The following GRIA3 variants were observed in gnomAD, a reference collection of about 807,000 sequenced individuals.
GRIA3 encodes the protein glutamate ionotropic receptor AMPA type subunit 3, also known as glutamate receptor 3.
In GRIA3, 3 loss-of-function variants were observed where a neutral mutation model predicts 63.0. That is an observed-to-expected ratio of 0.05 (90% CI 0.02 to 0.12). The LOEUF (loss-of-function observed/expected upper bound fraction) is 0.12. Ranked by LOEUF, GRIA3 falls within the 10% of genes least tolerant of loss-of-function variation. The pLI is 1.00. For synonymous variants in GRIA3, 274 were observed against 257.9 expected, an observed-to-expected ratio of 1.06 and a Z score of -0.60; for missense variants, 347 against 700.9, an observed-to-expected ratio of 0.50 and a Z score of 5.70.
intron 5 of GRIA3, among the ~76,000 whole-genome samples, chrX:123,391,475 G>C (rs1355339208): frequency 9.0e-6 from 1 of 111,609 alleles, no homozygotes; most frequent in African/African-American, 3.3e-5. Context: ...GGTGGAGGCT[G>C]TGGTGAAGTT....
chrX:123,239,364 A>G (rs1017560441), intron 2 of GRIA3, among the ~76,000 whole-genome samples: 2 of 110,727 alleles, frequency 1.8e-5, no homozygotes, highest in East Asian at 2.8e-4. Context: ...ATACTGAAGT[A>G]GTCATGAGAA....
intron 3 of GRIA3, among the ~76,000 whole-genome samples, chrX:123,300,188 T>G (rs768995725): frequency 9.1e-6 from 1 of 109,866 alleles, no homozygotes; most frequent in African/African-American, 3.3e-5. Context: ...TGAAGTTTTC[T>G]TTTATTGTTG....
At chrX:123,321,703 A>G (rs2044868845) in intron 3 of GRIA3, among the ~76,000 whole-genome samples, 1 of 112,171 alleles carries the variant, frequency 8.9e-6, no homozygotes, top group Non-Finnish European at 1.9e-5. Context: ...ATCTGATGCT[A>G]TCCCTGTCAT....
At position 123,298,127 on chromosome X, in the gene GRIA3, T is replaced by C. The variant is rs750273141; in HGVS notation, c.509-27899T>C. Among the ~76,000 whole-genome samples the C allele has an allele frequency of 9.9e-5, 11 of 111,558 alleles. No individual in the cohort carries two copies. In the East Asian group the frequency reaches 3.1e-3, roughly 31 times the overall value. ...ATTATGACATTTTCTTTATCCAATC[T>C]CTCTTTGATGGGCATTTAGGCTGAT... On this transcript the variant is annotated intron_variant, in intron 3 of 15. Coordinates refer to ENST00000620443, the MANE Select transcript of GRIA3 (RefSeq NM_007325.5).
chrX:123,202,787 G>A (rs746313216), intron 2 of GRIA3: 2 of 1,160,422 alleles, frequency 1.7e-6, no homozygotes, highest in Non-Finnish European at 2.3e-6. Context: ...TCTGGGGTAA[G>A]TGCCCATAGT....
intron 7 of GRIA3, among the ~76,000 whole-genome samples, chrX:123,402,395 G>GTA (rs57132663): frequency 0.013 from 1,327 of 104,279 alleles, 18 homozygotes; most frequent in African/African-American, 0.036. Flanking sequence ...ATGTGTGTGT[G>GTA]TATATATATA....
At chrX:123,199,484 C>CTT (rs1407945357) in intron 2 of GRIA3, among the ~76,000 whole-genome samples, 1 of 110,295 alleles carries the variant, frequency 9.1e-6, no homozygotes, top group African/African-American at 3.3e-5. Flanking sequence ...AATCACTGAT[C>CTT]TTTTTTTCAG....
At chrX:123,208,263 G>T (rs1036948717) in intron 2 of GRIA3, among the ~76,000 whole-genome samples, 11 of 112,133 alleles carry the variant, frequency 9.8e-5, no homozygotes, top group African/African-American at 3.6e-4. Flanking sequence ...AGCAGGATAG[G>T]TTACACAGAA....
chrX:123,483,076 C>A, intron 15 of GRIA3, 30 bp downstream of exon 15: 1 of 1,113,870 alleles, frequency 9.0e-7, no homozygotes, highest in Non-Finnish European at 1.2e-6. Context: ...AACTAATCAG[C>A]TTTACTTTAC....
chrX:123,411,877 T>C (rs1487557904), intron 10 of GRIA3, among the ~76,000 whole-genome samples: 1 of 111,009 alleles, frequency 9.0e-6, no homozygotes, highest in African/African-American at 3.3e-5. Flanking sequence ...TGAAAATAAC[T>C]TGCCTACTGC....
In GRIA3 at chrX:123,184,880, G is replaced by A; in HGVS notation, c.109+236G>A. The stretch of plus-strand genomic sequence containing the variant: ...AGAGAGGGGTCTCCTGGGGCTAGTG[G>A]GGGTGAACTGCTAGGTTTTCCGAGC... On this transcript the variant is annotated intron_variant, in intron 1 of 15. Coordinates refer to ENST00000620443, the MANE Select transcript of GRIA3 (RefSeq NM_007325.5). The A allele has an allele frequency of 8.2e-6, 4 of 488,270 alleles. No individual in the cohort carries two copies. In the South Asian group the frequency reaches 1.0e-4, roughly 12 times the overall value. 40.2% of individuals were successfully genotyped at this position (488,270 alleles called of 1,213,427 possible).
At chrX:123,215,504 G>A (rs768113067) in intron 2 of GRIA3, among the ~76,000 whole-genome samples, 6 of 111,291 alleles carry the variant, frequency 5.4e-5, no homozygotes, top group Non-Finnish European at 1.1e-4. Context: ...CATCATTAGC[G>A]TGGAGAAGAC....
intron 2 of GRIA3, among the ~76,000 whole-genome samples, chrX:123,209,742 T>C (rs1017686414): frequency 9.0e-6 from 1 of 111,688 alleles, no homozygotes; most frequent in African/African-American, 3.3e-5. Flanking sequence ...TTGAAAAATA[T>C]TCCCAAGGTA....
chrX:123,354,447 G>A (rs1285774715), intron 4 of GRIA3, among the ~76,000 whole-genome samples: 2 of 111,499 alleles, frequency 1.8e-5, no homozygotes, highest in East Asian at 2.8e-4. Flanking sequence ...AAGCAACCTC[G>A]GTTAACCTGA....
intron 13 of GRIA3, among the ~76,000 whole-genome samples, chrX:123,477,906 G>A (rs2045894303): frequency 9.0e-6 from 1 of 111,483 alleles, no homozygotes; most frequent in South Asian, 3.8e-4. Context: ...ACCGGGTAAG[G>A]GCTTAGTCAG....
chrX:123,343,552 A>G (rs1259195947), intron 4 of GRIA3, among the ~76,000 whole-genome samples: 1 of 110,288 alleles, frequency 9.1e-6, no homozygotes. Flanking sequence ...TATAGATAAC[A>G]TATACAGAGA....
At chrX:123,374,129 T>A (rs2045268453) in intron 5 of GRIA3, among the ~76,000 whole-genome samples, 1 of 111,981 alleles carries the variant, frequency 8.9e-6, no homozygotes, top group South Asian at 3.8e-4. Flanking sequence ...TTCCCATTTC[T>A]TGATTTTGTC....
intron 12 of GRIA3, among the ~76,000 whole-genome samples, chrX:123,453,778 C>T (rs2045747642): frequency 9.1e-6 from 1 of 110,475 alleles, no homozygotes; most frequent in Admixed American, 9.7e-5. Flanking sequence ...TGAATGTTTC[C>T]AATTCTTTTC....
chrX:123,320,191 G>A (rs775973801), intron 3 of GRIA3, among the ~76,000 whole-genome samples: 29 of 111,572 alleles, frequency 2.6e-4, no homozygotes, highest in Admixed American at 2.3e-3. Flanking sequence ...CCACTCCACT[G>A]GCCCCTGAGA....
Sources: gnomAD v4.1 joint callset for allele counts (sites outside exome capture counted in the v4.1 genomes callset) on GRCh38, gnomAD v4.1.1 for gene constraint, MANE v1.5 for transcripts, NCBI Gene and HGNC (gene_info 2026-07-23, HGNC 2026-07-21) for gene names.